Variants in ARID1B observed in about 807,000 individuals in gnomAD.
ARID1B encodes AT-rich interactive domain-containing protein 1B.
ARID1B carries 30 observed loss-of-function variants against 212.3 expected under a neutral mutation model. The ratio of observed to expected loss-of-function variants is 0.14; its 90% CI spans 0.11 to 0.19. ARID1B has a LOEUF of 0.19. Among genes scored for constraint, ARID1B ranks in the 10% least tolerant of loss-of-function variants. ARID1B has a pLI of 1.00. For missense variants in ARID1B, 2,891 were observed against 3,204.0 expected (o/e 0.90, Z 2.36); for synonymous variants, 1,402 against 1,301.7 (o/e 1.08, Z -1.66).
intron 15 of ARID1B, among the ~76,000 whole-genome samples, chr6:157,192,938 C>T (rs1411110629): frequency 1.3e-5 from 2 of 152,128 alleles, no homozygotes; most frequent in African/African-American, 2.4e-5. Flanking sequence ...TACTCTTTGT[C>T]GCTGTTGCTG....
At chr6:157,156,549 T>A (rs934040201) in intron 8 of ARID1B, among the ~76,000 whole-genome samples, 1 of 152,216 alleles carries the variant, frequency 6.6e-6, no homozygotes, top group Non-Finnish European at 1.5e-5. Flanking sequence ...AGAGATTTAT[T>A]TTTTAATGTT....
At chr6:156,996,582 T>C (rs1177729975) in intron 4 of ARID1B, among the ~76,000 whole-genome samples, 3 of 152,198 alleles carry the variant, frequency 2.0e-5, no homozygotes, top group Non-Finnish European at 4.4e-5. Flanking sequence ...GATCAAAATA[T>C]GTAAAAGTAT....
chr6:156,871,871 C>T lies in ARID1B; in HGVS notation c.1987-29505C>T, dbSNP rs75493987. ...CTGGGCTCATTGTAAGTTACAAGAG[C>T]ATTCACTTCTGGTTTTCCTTCTTGA... is the stretch of plus-strand genomic sequence containing the variant. On this transcript the variant is annotated intron_variant, in intron 2 of 19. Transcript: ENST00000636930. Among the ~76,000 whole-genome samples, 7,887 of 152,230 alleles carry T rather than the reference C, an allele frequency of 0.052. 697 individuals carry two copies. The highest frequency in any genetic ancestry group is 0.18 in the African/African-American group (7,294 of 41,474).
At chr6:156,944,925 CTTTT>C (rs543626936) in intron 4 of ARID1B, among the ~76,000 whole-genome samples, 1 of 135,372 alleles carries the variant, frequency 7.4e-6, no homozygotes. Context: ...TTTTCTTTTC[CTTTT>C]TTTTTTTTTT....
intron 2 of ARID1B, among the ~76,000 whole-genome samples, chr6:156,854,283 T>C (rs974507012): frequency 1.3e-5 from 2 of 152,204 alleles, no homozygotes; most frequent in Non-Finnish European, 2.9e-5. Flanking sequence ...CGAACGGAAT[T>C]GCCAGGGTGA....
intron 4 of ARID1B, among the ~76,000 whole-genome samples, chr6:156,984,152 G>C (rs761802179): frequency 6.6e-6 from 1 of 152,096 alleles, no homozygotes; most frequent in Non-Finnish European, 1.5e-5. Context: ...TTCGTTGAGC[G>C]TCTCCAGGAG....
chr6:156,815,128 T>C (rs1408921915), intron 1 of ARID1B, among the ~76,000 whole-genome samples: 1 of 152,214 alleles, frequency 6.6e-6, no homozygotes, highest in Non-Finnish European at 1.5e-5. Flanking sequence ...GGCTTTTTTA[T>C]TAGAAAGTCT....
At chr6:157,104,425 T>TTA (rs925933125) in intron 5 of ARID1B, among the ~76,000 whole-genome samples, 10 of 152,126 alleles carry the variant, frequency 6.6e-5, no homozygotes, top group Admixed American at 2.6e-4. Context: ...GAGAACTCAA[T>TTA]TAAAGGCATA....
intron 16 of ARID1B, 72 bp downstream of exon 16, chr6:157,196,387 G>A: frequency 7.2e-6 from 11 of 1,525,662 alleles, no homozygotes; most frequent in Non-Finnish European, 9.7e-6. Flanking sequence ...ACATTTCTGA[G>A]CCCTGGCAGC....
chr6:156,936,410 G>A (rs1792225821), intron 4 of ARID1B: 1 of 151,562 alleles, frequency 6.6e-6, no homozygotes, highest in Non-Finnish European at 1.5e-5. Context: ...GGTGATTGGG[G>A]TTTCTATTTA....
chr6:157,042,718 G>A (rs1235014181), intron 4 of ARID1B, among the ~76,000 whole-genome samples: 2 of 150,260 alleles, frequency 1.3e-5, no homozygotes, highest in Non-Finnish European at 2.9e-5. Flanking sequence ...GAGTACAGTG[G>A]CGTGATCTCC....
At chr6:157,196,353 A>G (rs763731974) in intron 16 of ARID1B, 38 bp downstream of exon 16, 3 of 1,576,246 alleles carry the variant, frequency 1.9e-6, no homozygotes, top group Admixed American at 2.0e-5. Context: ...ATGATTTACT[A>G]GAAACCGTGC....
At chr6:156,997,515 A>G (rs975908371) in intron 4 of ARID1B, among the ~76,000 whole-genome samples, 2 of 152,170 alleles carry the variant, frequency 1.3e-5, no homozygotes, top group Non-Finnish European at 2.9e-5. Context: ...TTATCTTATT[A>G]AATATTTACA....
At position 157,156,070 on chromosome 6, in the gene ARID1B, C is replaced by G. The variant is rs550019901; in HGVS notation, c.3089+7119C>G. On this transcript the variant is annotated intron_variant, in intron 8 of 19. Transcript: ENST00000636930. ...ACGAAGAGCTGCTGATGTGGAAATA[C>G]GTTAATGGAGATAGTGCATTAAAAT... 3.4e-4 allele frequency among the ~76,000 whole-genome samples: 52 copies of G among 152,238 alleles called. 1 individual carries two copies. Among genetic ancestry groups the G allele is most frequent in the Admixed American group, 1.4e-3 (21 of 15,298 alleles).
At chr6:157,008,976 A>G (rs1779404475) in intron 4 of ARID1B, among the ~76,000 whole-genome samples, 1 of 152,220 alleles carries the variant, frequency 6.6e-6, no homozygotes, top group African/African-American at 2.4e-5. Flanking sequence ...ACAATCTCGA[A>G]GAAGGTCAAT....
At chr6:157,061,232 G>C (rs1364514150) in intron 4 of ARID1B, among the ~76,000 whole-genome samples, 1 of 152,150 alleles carries the variant, frequency 6.6e-6, no homozygotes, top group Non-Finnish European at 1.5e-5. Context: ...GAGCCTGGCT[G>C]CATTTGAATT....
At chr6:157,130,453 C>A (rs1169039972) in intron 6 of ARID1B, among the ~76,000 whole-genome samples, 1 of 152,186 alleles carries the variant, frequency 6.6e-6, no homozygotes, top group African/African-American at 2.4e-5. Flanking sequence ...AAGATGCAAT[C>A]ATTCATAGTA....
chr6:157,115,035 G>T (rs943021895), intron 6 of ARID1B, among the ~76,000 whole-genome samples: 1 of 152,182 alleles, frequency 6.6e-6, no homozygotes, highest in African/African-American at 2.4e-5. Context: ...GCAAACCTCT[G>T]GTGACAGCAA....
At chr6:156,821,038 T>C (rs1782316483) in intron 1 of ARID1B, among the ~76,000 whole-genome samples, 1 of 152,248 alleles carries the variant, frequency 6.6e-6, no homozygotes, top group Admixed American at 6.5e-5. Context: ...TGAAATAGTA[T>C]GCTGATTTCA....
Sources: allele counts gnomAD v4.1 joint callset (sites outside exome capture counted in the v4.1 genomes callset), GRCh38; gene constraint gnomAD v4.1.1; transcripts MANE v1.5; gene names NCBI Gene and HGNC (gene_info 2026-07-23, HGNC 2026-07-21).